MMP28: variants seen among roughly 807,000 people sequenced by gnomAD.
MMP28 encodes the protein matrix metalloproteinase-28.
MMP28 carries 55 observed loss-of-function variants against 60.5 expected under a neutral mutation model. That is an observed-to-expected ratio of 0.91 (90% CI 0.73 to 1.14). MMP28 has a LOEUF of 1.14. Ranked by LOEUF, MMP28 falls within the 50% of genes most tolerant of loss-of-function variation. MMP28 has a pLI of 0.00. For synonymous variants in MMP28, 318 were observed against 312.5 expected (o/e 1.02, Z -0.18); for missense variants, 686 against 738.3 (o/e 0.93, Z 0.82).
At chr17:35,772,023 C>T (rs2086172938) in intron 4 of MMP28, among the ~76,000 whole-genome samples, 1 of 151,956 alleles carries the variant, frequency 6.6e-6, no homozygotes, top group Non-Finnish European at 1.5e-5. Flanking sequence ...CCAGCTTTGC[C>T]TTCTTGGACC....
Position 35,773,286 on chromosome 17 carries a change from T to C in MMP28, c.498A>G (p.Ser166=), listed in dbSNP as rs775131798. The C allele has an allele frequency of 6.8e-6, 11 of 1,613,978 alleles. No individual in the cohort carries two copies. The East Asian group carries it at 2.0e-4, about 29-fold the overall frequency. The change falls in exon 4 of 8, where the codon TCA becomes TCG. Residue 166 remains serine (S), a synonymous_variant. Transcript: ENST00000605424. ...CTGGGGCCTCCCAGAACTCCAGCGC[T>C]GAGACGTTGCTCCACAACTGGAAGG... ...RAAFQLWSNV[S]ALEFWEAPAT...
intron 1 of MMP28, among the ~76,000 whole-genome samples, chr17:35,782,818 TA>T (rs1433352932): frequency 1.3e-5 from 2 of 148,782 alleles, no homozygotes; most frequent in African/African-American, 2.4e-5. Context: ...GGGGACAAAT[TA>T]TTTTTTTTTT....
At position 35,783,952 on chromosome 17, in the gene MMP28, A is replaced by G. The variant is rs118023762; in HGVS notation, c.112-4629T>C. On this transcript the variant is annotated intron_variant, in intron 1 of 7. Transcript: ENST00000605424. ...AGCAGAGCCACTGAAAGAATGAGAA[A>G]AAGAAATTTTAAGAATTTGACATTT... Among the ~76,000 whole-genome samples, 664 of 152,290 alleles carry G rather than the reference A, an allele frequency of 4.4e-3. 4 individuals carry two copies. The highest frequency in any genetic ancestry group is 7.2e-3 in the Admixed American group (110 of 15,294).
Position 35,766,577 on chromosome 17 carries a change from T to A in MMP28, c.1486A>T (p.Thr496Ser). The change falls in exon 8 of 8, where the codon ACC (threonine) becomes TCC (serine). Residue 496 changes from threonine (T) to serine (S), a missense_variant. Transcript: ENST00000605424. The surrounding 1 kb of genome is among the most constrained non-coding windows in gnomAD (Gnocchi z 4.3). ...TCGGTGGCCCAGCGGCCCGAGGTGG[T>A]TGCCTGCAGTTTGGCCTGGTCGAGG... The part of the protein sequence containing the change: ...WRLDQAKLQA[T>S]TSGRWATELP... 6.2e-7 allele frequency: 1 copy of A among 1,612,056 alleles called. No individual in the cohort carries two copies. The highest frequency in any genetic ancestry group is 8.5e-7 in the Non-Finnish European group (1 of 1,179,612).
At chr17:35,764,348 G>C (rs782097431), downstream of MMP28, 1 of 1,457,350 alleles carries the variant, frequency 6.9e-7, no homozygotes, top group African/African-American at 1.5e-5. Context: ...TCCTCGACCG[G>C]GGCACGAGGG....
intron 1 of MMP28, among the ~76,000 whole-genome samples, chr17:35,791,477 G>T (rs571554808): frequency 2.0e-5 from 3 of 152,106 alleles, no homozygotes; most frequent in Non-Finnish European, 4.4e-5. Context: ...GATTGAGGCC[G>T]CAGTGAGCCA....
chr17:35,786,497 T>C (rs940060760), intron 1 of MMP28, among the ~76,000 whole-genome samples: 5 of 152,154 alleles, frequency 3.3e-5, no homozygotes, highest in Non-Finnish European at 5.9e-5. Context: ...CATTTTATTA[T>C]TATTTTAGTT....
At chr17:35,763,047 G>A (rs1484713767), downstream of MMP28, among the ~76,000 whole-genome samples, 1 of 151,604 alleles carries the variant, frequency 6.6e-6, no homozygotes, top group Non-Finnish European at 1.5e-5. Flanking sequence ...GCGTGAACCC[G>A]GCAGGTGGAG....
downstream of MMP28, chr17:35,764,278 G>C: frequency 1.3e-6 from 2 of 1,534,368 alleles, no homozygotes; most frequent in Non-Finnish European, 1.8e-6. Flanking sequence ...TCTGGGGCTG[G>C]CTCGGCCCCT....
intron 3 of MMP28, among the ~76,000 whole-genome samples, chr17:35,777,474 A>T (rs2086367872): frequency 6.6e-6 from 1 of 152,196 alleles, no homozygotes; most frequent in African/African-American, 2.4e-5. Flanking sequence ...AAACACCTGG[A>T]AACAGCCACC....
chr17:35,774,467 G>A (rs979354187), intron 3 of MMP28, among the ~76,000 whole-genome samples: 2 of 152,210 alleles, frequency 1.3e-5, no homozygotes, highest in East Asian at 3.8e-4. Context: ...CTAATCCAGG[G>A]CTCTTCCATT....
chr17:35,788,826 TGATA>T (rs1304102779), intron 1 of MMP28, among the ~76,000 whole-genome samples: 1 of 151,946 alleles, frequency 6.6e-6, no homozygotes, highest in Non-Finnish European at 1.5e-5. Context: ...GCAAAGCAAA[TGATA>T]GATAGAGCCC....
intron 1 of MMP28, among the ~76,000 whole-genome samples, chr17:35,780,839 A>T (rs2086477170): frequency 6.6e-6 from 1 of 150,404 alleles, no homozygotes; most frequent in Non-Finnish European, 1.5e-5. Flanking sequence ...TGTCTCGAAA[A>T]GAAAAAAAAA....
In MMP28 at chr17:35,795,383, C is replaced by T. The variant is rs758380376; in HGVS notation, c.-6G>A. 20 of 1,431,146 alleles carry T rather than the reference C, an allele frequency of 1.4e-5. 1 individual carries two copies. The South Asian group carries it at 2.5e-4, about 18-fold the overall frequency. The allele number at this position is 1,431,146 out of a possible 1,614,324, so 88.7% of individuals were successfully genotyped here. Reference sequence around the variant, plus strand: ...AGGCCGACGCGCGCGACCATCTCGCCGCCTCCGGTGCAGCCCGGCTCGGGG... The same window carrying T: ...AGGCCGACGCGCGCGACCATCTCGCTGCCTCCGGTGCAGCCCGGCTCGGGG... On this transcript the variant is annotated 5_prime_UTR_variant, in exon 1 of 8. Transcript: ENST00000605424.
At chr17:35,772,165 T>C (rs2086177324) in intron 4 of MMP28, among the ~76,000 whole-genome samples, 2 of 152,114 alleles carry the variant, frequency 1.3e-5, no homozygotes, top group African/African-American at 2.4e-5. Flanking sequence ...TTTCAAGCAT[T>C]GTTCACTCTA....
chr17:35,794,024 G>A (rs968197091), intron 1 of MMP28, among the ~76,000 whole-genome samples: 1 of 151,622 alleles, frequency 6.6e-6, no homozygotes, highest in African/African-American at 2.4e-5. Context: ...CTTGAACCCG[G>A]GAGGTAGAGG....
intron 1 of MMP28, among the ~76,000 whole-genome samples, chr17:35,793,573 G>A (rs1444711129): frequency 6.6e-6 from 1 of 152,144 alleles, no homozygotes; most frequent in East Asian, 1.9e-4. Context: ...GTTGAAGCAG[G>A]GTCATTTCCA....
At chr17:35,762,884 G>A (rs587596959), downstream of MMP28, among the ~76,000 whole-genome samples, 64 of 152,148 alleles carry the variant, frequency 4.2e-4, no homozygotes, top group African/African-American at 1.5e-3. Context: ...CTAGCACTTT[G>A]GGAGGCCGAG....
chr17:35,779,360 T>C (rs536795776), intron 1 of MMP28, 37 bp from the exon 2 acceptor site: 1 of 1,554,756 alleles, frequency 6.4e-7, no homozygotes, highest in Non-Finnish European at 8.8e-7. Context: ...TTCCATAGCA[T>C]CCTTTCCCCT....
Sources: gnomAD v4.1 joint callset for allele counts (sites outside exome capture counted in the v4.1 genomes callset) on GRCh38, gnomAD v4.1.1 for gene constraint, Gnocchi (gnomAD v3.1) non-coding constraint, MANE v1.5 for transcripts, NCBI Gene and HGNC (gene_info 2026-07-23, HGNC 2026-07-21) for gene names.